MOV10L1: variants seen among roughly 807,000 people sequenced by gnomAD.
The protein encoded by MOV10L1 is Mov10 like RNA helicase 1.
MOV10L1 carries 110 observed loss-of-function variants against 143.8 expected under a neutral mutation model. The ratio of observed to expected loss-of-function variants is 0.76; its 90% CI spans 0.66 to 0.90. The LOEUF is 0.90. MOV10L1 is among the 40% of genes least tolerant of loss of function. The pLI is 0.00. For synonymous variants in MOV10L1, 593 were observed against 581.1 expected (o/e 1.02, Z -0.29); for missense variants, 1,406 against 1,526.8 (o/e 0.92, Z 1.32).
intron 10 of MOV10L1, among the ~76,000 whole-genome samples, chr22:50,122,773 TTTTA>T (rs932245637): frequency 1.6e-4 from 23 of 142,838 alleles, no homozygotes; most frequent in Non-Finnish European, 2.4e-4. Flanking sequence ...TTTTTCTCTT[TTTTA>T]TTTATTTATT....
intron 10 of MOV10L1, among the ~76,000 whole-genome samples, chr22:50,122,077 C>A (rs1001986044): frequency 6.6e-6 from 1 of 152,094 alleles, no homozygotes; most frequent in Non-Finnish European, 1.5e-5. Flanking sequence ...AGGTGTGAGC[C>A]ACTGCACCCG....
Position 50,159,118 on chromosome 22 carries a change from G to C in MOV10L1, c.3217-560G>C, listed in dbSNP as rs1426759218. 1 of 152,162 alleles carries C rather than the reference G, an allele frequency of 6.6e-6. No homozygotes were observed. The highest frequency in any genetic ancestry group is 2.4e-5 in the African/African-American group (1 of 41,428). 9.4% of individuals were successfully genotyped at this position (152,162 alleles called of 1,614,324 possible). A position where few individuals can be genotyped will look rare whatever the true frequency, so the allele number is the denominator to read the frequency against. On this transcript the variant is annotated intron_variant, in intron 23 of 26. Transcript: ENST00000262794. The surrounding 1 kb of genome is among the most constrained non-coding windows in gnomAD (Gnocchi z 4.1). ...GAAGGATTTCCTCCATCCTTGATAT[G>C]TGCTTGTGGGGAGGGAGGATTTTCC... is the stretch of plus-strand genomic sequence containing the variant.
At chr22:50,160,143 G>A (rs1326836072) in intron 24 of MOV10L1, among the ~76,000 whole-genome samples, 2 of 151,964 alleles carry the variant, frequency 1.3e-5, no homozygotes, top group Admixed American at 6.6e-5. Context: ...AGCCGCAAGC[G>A]TGAGGGCTCC....
intron 6 of MOV10L1, among the ~76,000 whole-genome samples, chr22:50,114,166 C>G (rs543399271): frequency 6.6e-6 from 1 of 152,218 alleles, no homozygotes; most frequent in African/African-American, 2.4e-5. Flanking sequence ...GATTTGCCGC[C>G]TCAGCCTCCC....
intron 3 of MOV10L1, 83 bp downstream of exon 3, chr22:50,099,685 T>C (rs2062686836): frequency 6.8e-7 from 1 of 1,476,536 alleles, no homozygotes. Context: ...CGGTGGCTCA[T>C]GCCTATAATC....
At chr22:50,115,014 T>C in intron 7 of MOV10L1, 100 bp from the exon 8 acceptor site, 1 of 1,306,794 alleles carries the variant, frequency 7.7e-7, no homozygotes, top group East Asian at 2.4e-5. Context: ...GCATCTGTCT[T>C]TGTGTGTGTG....
chr22:50,090,485 C>G (rs372611802), intron 1 of MOV10L1: 1 of 1,610,504 alleles, frequency 6.2e-7, no homozygotes, highest in East Asian at 2.2e-5. Flanking sequence ...CATGTCGTTC[C>G]TCCCTGTCCG....
chr22:50,128,370 T>A, intron 12 of MOV10L1, 46 bp from the exon 13 acceptor site: 1 of 1,070,634 alleles, frequency 9.3e-7, no homozygotes, highest in Non-Finnish European at 1.4e-6. Flanking sequence ...GATAAAGATA[T>A]CACATTATTT....
intron 3 of MOV10L1, among the ~76,000 whole-genome samples, chr22:50,103,004 A>G (rs1291255007): frequency 6.6e-6 from 1 of 152,140 alleles, no homozygotes; most frequent in Non-Finnish European, 1.5e-5. Flanking sequence ...TCCTGCGTGT[A>G]GCCTTGAGGC....
At chr22:50,143,807 C>T (rs974673506) in intron 17 of MOV10L1, among the ~76,000 whole-genome samples, 9 of 152,168 alleles carry the variant, frequency 5.9e-5, no homozygotes, top group African/African-American at 1.2e-4. Context: ...AGGTATTGAG[C>T]GCACAATTGT....
chr22:50,117,064 C>G, intron 8 of MOV10L1, 93 bp from the exon 9 acceptor site: 1 of 1,154,128 alleles, frequency 8.7e-7, no homozygotes, highest in Non-Finnish European at 1.2e-6. Flanking sequence ...TGAGTCTTAA[C>G]TCTGTCACTT....
rs1363409153 is a variant in MOV10L1 at position 50,108,133 on chromosome 22, T to C, written c.443-3T>C. On this transcript the variant is annotated splice_polypyrimidine_tract_variant and splice_region_variant and intron_variant, in intron 3 of 26. Transcript: ENST00000262794. Reference sequence around the variant, plus strand: ...ACCATGGCTTTTTTCCTGGCGGTTTTAGGCTTCGAGCCCTGCAAGGGAGAC... The same window carrying C: ...ACCATGGCTTTTTTCCTGGCGGTTTCAGGCTTCGAGCCCTGCAAGGGAGAC... 1 of 1,612,968 alleles carries C rather than the reference T, an allele frequency of 6.2e-7. No homozygotes were observed. Among genetic ancestry groups the C allele is most frequent in the Non-Finnish European group, 8.5e-7 (1 of 1,179,134 alleles).
At chr22:50,125,149 G>A (rs1017410163) in intron 10 of MOV10L1, among the ~76,000 whole-genome samples, 2 of 152,186 alleles carry the variant, frequency 1.3e-5, no homozygotes, top group Non-Finnish European at 2.9e-5. Flanking sequence ...GTGCAGGGAG[G>A]GACACCGCCA....
chr22:50,145,290 C>T (rs565979254), intron 18 of MOV10L1, among the ~76,000 whole-genome samples: 2 of 152,288 alleles, frequency 1.3e-5, no homozygotes, highest in East Asian at 3.9e-4. Flanking sequence ...GGCGTGGTGG[C>T]ATGCGCCTGT....
At chr22:50,160,510 C>T (rs1450633667) in intron 24 of MOV10L1, among the ~76,000 whole-genome samples, 178 bp from the exon 25 acceptor site, 2 of 152,028 alleles carry the variant, frequency 1.3e-5, no homozygotes, top group Non-Finnish European at 2.9e-5. Flanking sequence ...GCCTCGGCCT[C>T]CCAAAGGCTG....
At chr22:50,115,324 C>T in intron 8 of MOV10L1, 78 bp downstream of exon 8, 1 of 1,401,696 alleles carries the variant, frequency 7.1e-7, no homozygotes, top group East Asian at 2.8e-5. Context: ...ATAAAAGGTA[C>T]TCCTTTGTGG....
At chr22:50,151,037 C>T (rs1188130022) in intron 21 of MOV10L1, 138 bp downstream of exon 21, 3 of 1,053,140 alleles carry the variant, frequency 2.8e-6, no homozygotes, top group East Asian at 2.6e-5. Context: ...CACCATAGCA[C>T]CTCCCCCGTC....
In MOV10L1 at chr22:50,158,308, C is replaced by A; in HGVS notation, c.3216+102C>A. ...GCAGGAACAAGCTCCTTGTGAGCAG[C>A]AGCAGGTTTTTAAAGGGGCAGGACC... On this transcript the variant is annotated intron_variant, in intron 23 of 26. Transcript: ENST00000262794. This position sits in a 1 kb window ranked among gnomAD's most constrained non-coding sequence, Gnocchi z 5.0. The A allele has an allele frequency of 1.4e-6, 2 of 1,452,918 alleles. No individual in the cohort carries two copies. Among genetic ancestry groups the A allele is most frequent in the Non-Finnish European group, 9.3e-7 (1 of 1,069,738 alleles). 90.0% of individuals were successfully genotyped at this position (1,452,918 alleles called of 1,614,324 possible).
In MOV10L1 at chr22:50,144,237, C is replaced by T. The variant is rs139092160; in HGVS notation, c.2499C>T (p.Phe833=). ...TCCGGGTGAACGCCACCTGCAGGTT[C>T]GAGGAGGTGAGCCCTTGGTGCAAGC... ...TMVRVNATCR[F]EEIVIDAVKP... is the part of the protein sequence containing the mutation. The change falls in exon 18 of 27, where the codon TTC becomes TTT. Residue 833 remains phenylalanine (F), a synonymous_variant. Transcript: ENST00000262794. 50 of 1,600,228 alleles carry T rather than the reference C, an allele frequency of 3.1e-5. No individual in the cohort carries two copies. Among genetic ancestry groups the T allele is most frequent in the Middle Eastern group, 1.7e-4 (1 of 6,008 alleles).
Sources: allele counts gnomAD v4.1 joint callset (sites outside exome capture counted in the v4.1 genomes callset), GRCh38; gene constraint gnomAD v4.1.1; non-coding constraint Gnocchi (gnomAD v3.1); transcripts MANE v1.5; gene names NCBI Gene and HGNC (gene_info 2026-07-23, HGNC 2026-07-21).